The following SLC26A5 variants were observed in gnomAD, a reference collection of about 807,000 sequenced individuals.
SLC26A5 encodes prestin.
In SLC26A5, 51 loss-of-function variants were observed where a neutral mutation model predicts 81.0. That is an observed-to-expected ratio of 0.63 (90% CI 0.50 to 0.80). The LOEUF is 0.80. Ranked by LOEUF, SLC26A5 falls within the 30% of genes least tolerant of loss-of-function variation. The pLI is 0.00. For missense variants in SLC26A5, 771 were observed against 905.8 expected, an observed-to-expected ratio of 0.85 and a Z score of 1.91; for synonymous variants, 325 against 332.8, an observed-to-expected ratio of 0.98 and a Z score of 0.25.
At chr7:103,373,688 AAG>A (rs1426136898), downstream of SLC26A5, among the ~76,000 whole-genome samples, 6 of 152,230 alleles carry the variant, frequency 3.9e-5, no homozygotes, top group Non-Finnish European at 8.8e-5. Flanking sequence ...AATATGGTCT[AAG>A]ATCAAAAATG....
At chr7:103,362,669 C>CT in intron 19 of SLC26A5, 1 of 1,585,416 alleles carries the variant, frequency 6.3e-7, no homozygotes, top group Non-Finnish European at 8.7e-7. Flanking sequence ...TAATGACTAT[C>CT]TTTTTTACTT....
chr7:103,401,030 T>C (rs770840656), intron 8 of SLC26A5, among the ~76,000 whole-genome samples: 1 of 152,216 alleles, frequency 6.6e-6, no homozygotes, highest in Non-Finnish European at 1.5e-5. Flanking sequence ...CTTAGGATTG[T>C]CTTGGCTATG....
downstream of SLC26A5, among the ~76,000 whole-genome samples, chr7:103,373,128 C>G (rs1821125920): frequency 6.6e-6 from 1 of 152,092 alleles, no homozygotes; most frequent in Non-Finnish European, 1.5e-5. Context: ...ATGATTTAGG[C>G]AAGAATTACC....
At chr7:103,388,527 T>G in intron 14 of SLC26A5, 1 of 250,590 alleles carries the variant, frequency 4.0e-6, no homozygotes, top group Non-Finnish European at 7.8e-6. Context: ...TATTTTATAC[T>G]TTCCCTAGTG....
rs116863866 is a variant in SLC26A5 at position 103,410,565 on chromosome 7, G to A, written c.571-16C>T. ...CTAGGCAAAACTATTTTTTTTTAAT[G>A]ACAAAGAAACAAATGAATCACATGA... On this transcript the variant is annotated splice_polypyrimidine_tract_variant and intron_variant, in intron 6 of 19. Transcript: ENST00000306312. 4.8e-4 allele frequency: 768 copies of A among 1,595,764 alleles called. 2 individuals are homozygous for A. The highest frequency in any genetic ancestry group is 6.1e-4 in the Non-Finnish European group (710 of 1,169,620).
intron 19 of SLC26A5, among the ~76,000 whole-genome samples, chr7:103,359,936 C>T (rs1045521132): frequency 6.6e-6 from 1 of 152,008 alleles, no homozygotes; most frequent in African/African-American, 2.4e-5. Flanking sequence ...AAAATATTAG[C>T]TGGGCGTGGT....
At chr7:103,375,358 T>C (rs1298343211) in intron 19 of SLC26A5, among the ~76,000 whole-genome samples, 1 of 152,074 alleles carries the variant, frequency 6.6e-6, no homozygotes. Context: ...ATATGCAGCA[T>C]ATTGCTGGAT....
chr7:103,371,619 T>C (rs557389730), downstream of SLC26A5, among the ~76,000 whole-genome samples: 7 of 151,918 alleles, frequency 4.6e-5, no homozygotes, highest in Admixed American at 6.6e-5. Context: ...CCACTGCGCC[T>C]GGCCTGTACA....
At chr7:103,423,095 C>T in intron 2 of SLC26A5, among the ~76,000 whole-genome samples, 1 of 138,730 alleles carries the variant, frequency 7.2e-6, no homozygotes, top group South Asian at 2.3e-4. Context: ...AAACCTGCCT[C>T]TACTAAAAAA....
At chr7:103,409,149 C>T (rs1235535445) in intron 7 of SLC26A5, among the ~76,000 whole-genome samples, 1 of 152,244 alleles carries the variant, frequency 6.6e-6, no homozygotes, top group African/African-American at 2.4e-5. Flanking sequence ...TTCTTCATAG[C>T]ACTCAACACA....
chr7:103,392,605 T>C (rs1418406848), intron 10 of SLC26A5, among the ~76,000 whole-genome samples: 4 of 152,172 alleles, frequency 2.6e-5, no homozygotes, highest in African/African-American at 7.2e-5. Flanking sequence ...TGAGGCAGAG[T>C]CTCGCTCTGT....
intron 2 of SLC26A5, among the ~76,000 whole-genome samples, chr7:103,434,245 ATGATTC>A (rs1193718636): frequency 6.6e-6 from 1 of 152,234 alleles, no homozygotes; most frequent in African/African-American, 2.4e-5. Context: ...TACTGACAAT[ATGATTC>A]TAAGTTCAAA....
Position 103,376,807 on chromosome 7 carries a change from C to A in SLC26A5, c.2041+1G>T. The A allele has an allele frequency of 6.3e-7, 1 of 1,598,246 alleles. No homozygotes were observed. The highest frequency in any genetic ancestry group is 8.6e-7 in the Non-Finnish European group (1 of 1,166,296). On this transcript the variant is annotated splice_donor_variant, in intron 19 of 19. Coordinates refer to ENST00000306312, the MANE Select transcript of SLC26A5 (RefSeq NM_198999.3). LOFTEE classifies it high-confidence loss of function. ...TCACCCCATCTTAGAGGTATACTCA[C>A]CACTGCATCCTGCTAAGTATACATA...
intron 2 of SLC26A5, among the ~76,000 whole-genome samples, chr7:103,427,126 T>G (rs1586370477): frequency 6.6e-6 from 1 of 151,398 alleles, no homozygotes. Context: ...TAGGCTGGAG[T>G]GCAGTGGCGT....
intron 9 of SLC26A5, among the ~76,000 whole-genome samples, chr7:103,395,343 C>CTT (rs34420602): frequency 0.017 from 1,737 of 105,122 alleles, 62 homozygotes; most frequent in African/African-American, 0.048. Context: ...AACGTAAGGT[C>CTT]TTTTTTTTTT....
chr7:103,418,145 C>T (rs1460037210), intron 4 of SLC26A5, among the ~76,000 whole-genome samples: 1 of 152,200 alleles, frequency 6.6e-6, no homozygotes, highest in Non-Finnish European at 1.5e-5. Flanking sequence ...CATCCCCACA[C>T]ATCCAACCCA....
At chr7:103,384,868 C>T (rs1205616600) in intron 14 of SLC26A5, among the ~76,000 whole-genome samples, 5 of 152,076 alleles carry the variant, frequency 3.3e-5, no homozygotes. Context: ...CTTCATTGTC[C>T]TTATTAACAT....
At chr7:103,394,067 A>G (rs1331763399) in intron 9 of SLC26A5, among the ~76,000 whole-genome samples, 1 of 152,246 alleles carries the variant, frequency 6.6e-6, no homozygotes, top group Non-Finnish European at 1.5e-5. Context: ...AAGGACAAGC[A>G]GCTCATCTAC....
intron 7 of SLC26A5, 105 bp from the exon 8 acceptor site, chr7:103,408,108 T>C: frequency 6.8e-7 from 1 of 1,468,376 alleles, no homozygotes; most frequent in African/African-American, 1.4e-5. Flanking sequence ...TTATTGGATA[T>C]TTCTAGTGGA....
Sources: gnomAD v4.1 joint callset for allele counts (sites outside exome capture counted in the v4.1 genomes callset) on GRCh38, gnomAD v4.1.1 for gene constraint, MANE v1.5 for transcripts, NCBI Gene and HGNC (gene_info 2026-07-23, HGNC 2026-07-21) for gene names.